IQUB: variants seen among roughly 807,000 people sequenced by gnomAD.
IQUB encodes IQ motif and ubiquitin domain containing, also known as IQ motif and ubiquitin-like domain-containing protein.
Under a neutral mutation model 86.4 loss-of-function variants are expected in IQUB, and 86 were observed. The ratio of observed to expected loss-of-function variants is 1.00; its 90% CI spans 0.84 to 1.19. IQUB has a LOEUF of 1.19. Ranked by LOEUF, IQUB falls within the 50% of genes most tolerant of loss-of-function variation. The pLI is 0.00. For missense variants in IQUB, 946 were observed against 916.9 expected, an observed-to-expected ratio of 1.03 and a Z score of -0.41; for synonymous variants, 289 against 304.5, an observed-to-expected ratio of 0.95 and a Z score of 0.53.
chr7:123,504,727 T>A (rs886646603), intron 3 of IQUB, among the ~76,000 whole-genome samples: 16 of 152,150 alleles, frequency 1.1e-4, no homozygotes, highest in African/African-American at 3.9e-4. Flanking sequence ...CACTGAGGAT[T>A]ACAATTTGAC....
At chr7:123,479,759 A>T in intron 8 of IQUB, 36 bp downstream of exon 8, 1 of 1,467,714 alleles carries the variant, frequency 6.8e-7, no homozygotes, top group Non-Finnish European at 9.4e-7. Context: ...TTAACTCAGA[A>T]TACATTCATA....
At chr7:123,488,774 A>C (rs571083085) in intron 7 of IQUB, among the ~76,000 whole-genome samples, 1 of 152,338 alleles carries the variant, frequency 6.6e-6, no homozygotes, top group South Asian at 2.1e-4. Flanking sequence ...AGCTCATATA[A>C]GTTTGCAATG....
chr7:123,496,198 C>T (rs376086244), intron 7 of IQUB, among the ~76,000 whole-genome samples: 28 of 152,128 alleles, frequency 1.8e-4, no homozygotes, highest in African/African-American at 6.5e-4. Context: ...AGCACACACA[C>T]TGTAGAAGAA....
At chr7:123,512,617 C>G (rs1796471928) in intron 1 of IQUB, among the ~76,000 whole-genome samples, 1 of 152,084 alleles carries the variant, frequency 6.6e-6, no homozygotes, top group Non-Finnish European at 1.5e-5. Context: ...TTTTTTGAAA[C>G]TTCCTTATTT....
rs1319836126 is a variant in IQUB, at chr7:123,469,401, T to C, written c.1411-17A>G. On this transcript the variant is annotated splice_polypyrimidine_tract_variant and intron_variant, in intron 8 of 12. Coordinates refer to ENST00000324698, the MANE Select transcript of IQUB (RefSeq NM_178827.5). ...AGCTGAACACTTAAAAATAATATTA[T>C]GTTTATAATTATCAGTTAATTAGAA... 2.8e-6 allele frequency: 4 copies of C among 1,454,280 alleles called. No individual in the cohort carries two copies. Among genetic ancestry groups the C allele is most frequent in the Admixed American group, 2.2e-5 (1 of 45,430 alleles). The allele number at this position is 1,454,280 out of a possible 1,614,324, so 90.1% of individuals were successfully genotyped here.
chr7:123,479,696 C>A, intron 8 of IQUB, 99 bp downstream of exon 8: 2 of 846,668 alleles, frequency 2.4e-6, no homozygotes, highest in Non-Finnish European at 3.7e-6. Flanking sequence ...AAACAAAATT[C>A]ATGTAAGTTC....
At chr7:123,489,134 G>A (rs1023235599) in intron 7 of IQUB, among the ~76,000 whole-genome samples, 16 of 152,242 alleles carry the variant, frequency 1.1e-4, no homozygotes, top group Middle Eastern at 3.4e-3. Flanking sequence ...AGTGGGATGC[G>A]GACCTATGTA....
chr7:123,477,742 C>T (rs1303021327), intron 8 of IQUB, among the ~76,000 whole-genome samples: 2 of 152,002 alleles, frequency 1.3e-5, no homozygotes, highest in Admixed American at 6.6e-5. Context: ...AACAAATTTA[C>T]AAGAAAAAAA....
intron 3 of IQUB, among the ~76,000 whole-genome samples, chr7:123,508,137 A>C (rs1292931714): frequency 2.6e-5 from 4 of 152,206 alleles, no homozygotes; most frequent in Non-Finnish European, 5.9e-5. Context: ...TGACAGAAGC[A>C]GACAGATTTG....
intron 1 of IQUB, among the ~76,000 whole-genome samples, chr7:123,512,765 TAC>T (rs963524935): frequency 4.6e-5 from 7 of 152,168 alleles, no homozygotes; most frequent in African/African-American, 1.7e-4. Flanking sequence ...CTGAACAGAA[TAC>T]ACTTTTTGTA....
In IQUB at chr7:123,512,330, T is replaced by C; in HGVS notation, c.11A>G (p.Gln4Arg). ...ATTCTGAGCTTCATACTTCTCCTGT[T>C]GATTAGACATTTTCCTGAATTAAGA... MSN[Q>R]QEKYEAQNIV... The change falls in exon 2 of 13, where the codon CAA becomes CGA. Residue 4 changes from glutamine to arginine, a missense_variant. Coordinates refer to ENST00000324698, the MANE Select transcript of IQUB (RefSeq NM_178827.5). 1 of 1,552,998 alleles carries C rather than the reference T, an allele frequency of 6.4e-7. No individual in the cohort carries two copies. Among genetic ancestry groups the C allele is most frequent in the Non-Finnish European group, 8.7e-7 (1 of 1,143,790 alleles).
chr7:123,486,795 G>A (rs1195103903), intron 7 of IQUB, among the ~76,000 whole-genome samples: 1 of 152,164 alleles, frequency 6.6e-6, no homozygotes, highest in Non-Finnish European at 1.5e-5. Context: ...GAAGGCACAT[G>A]CTCTATCAGG....
At chr7:123,528,260 A>G in intron 1 of IQUB, among the ~76,000 whole-genome samples, 1 of 152,258 alleles carries the variant, frequency 6.6e-6, no homozygotes, top group Non-Finnish European at 1.5e-5. Context: ...ATGGAAATGC[A>G]GAAATCACCC....
chr7:123,481,984 GA>G (rs910913955), intron 7 of IQUB, among the ~76,000 whole-genome samples: 7 of 151,762 alleles, frequency 4.6e-5, no homozygotes, highest in African/African-American at 1.2e-4. Context: ...TGGCACACTT[GA>G]AAAAAAGTGA....
At chr7:123,493,905 C>T (rs1194740713) in intron 7 of IQUB, among the ~76,000 whole-genome samples, 1 of 151,786 alleles carries the variant, frequency 6.6e-6, no homozygotes, top group Admixed American at 6.6e-5. Flanking sequence ...AGGACCAAAT[C>T]CACAGTAAAA....
chr7:123,481,699 T>C (rs1795011049), intron 7 of IQUB, among the ~76,000 whole-genome samples: 1 of 152,086 alleles, frequency 6.6e-6, no homozygotes, highest in Non-Finnish European at 1.5e-5. Flanking sequence ...GAGAAAAGGG[T>C]AGCCTATCAA....
chr7:123,467,889 A>C (rs572912074), intron 9 of IQUB, among the ~76,000 whole-genome samples: 53 of 152,184 alleles, frequency 3.5e-4, no homozygotes, highest in Non-Finnish European at 6.5e-4. Context: ...AATGCTTCTA[A>C]TGTAAGACAT....
intron 8 of IQUB, among the ~76,000 whole-genome samples, chr7:123,473,409 C>G (rs576994832): frequency 4.9e-4 from 74 of 152,228 alleles, no homozygotes; most frequent in African/African-American, 1.6e-3. Context: ...AAATAAATGG[C>G]CTTGACTCAA....
At chr7:123,534,105 T>C (rs1797655546) in intron 1 of IQUB, among the ~76,000 whole-genome samples, 2 of 152,136 alleles carry the variant, frequency 1.3e-5, no homozygotes, top group South Asian at 4.1e-4. Flanking sequence ...GTGAGGAAAG[T>C]CTAAAATCTC....
Sources: allele counts gnomAD v4.1 joint callset (sites outside exome capture counted in the v4.1 genomes callset), GRCh38; gene constraint gnomAD v4.1.1; transcripts MANE v1.5; gene names NCBI Gene and HGNC (gene_info 2026-07-23, HGNC 2026-07-21).